The following XRCC5 variants were observed in gnomAD, a reference collection of about 807,000 sequenced individuals.
XRCC5 encodes the protein DNA repair protein Ku80.
XRCC5 carries 12 observed loss-of-function variants against 95.7 expected under a neutral mutation model. The observed-to-expected ratio is 0.13, with a 90% CI of 0.08 to 0.20. The LOEUF (loss-of-function observed/expected upper bound fraction) is 0.20. Among genes scored for constraint, XRCC5 ranks in the 10% least tolerant of loss-of-function variants. The pLI is 1.00. For missense variants in XRCC5, 595 were observed against 873.9 expected (o/e 0.68, Z 4.02); for synonymous variants, 281 against 290.3 (o/e 0.97, Z 0.33).
intron 8 of XRCC5, chr2:216,127,910 A>C (rs1369481430): frequency 3.6e-6 from 1 of 274,334 alleles, no homozygotes; most frequent in Non-Finnish European, 6.8e-6. Flanking sequence ...AAATGTCTTA[A>C]GTGATAGTAC....
At chr2:216,143,196 G>C (rs1267799182) in intron 13 of XRCC5, among the ~76,000 whole-genome samples, 2 of 152,192 alleles carry the variant, frequency 1.3e-5, no homozygotes, top group Admixed American at 6.5e-5. Context: ...TCACACTGTT[G>C]TAAAGTGGAA....
At chr2:216,128,940 CTG>C in intron 8 of XRCC5, among the ~76,000 whole-genome samples, 1 of 152,230 alleles carries the variant, frequency 6.6e-6, no homozygotes, top group South Asian at 2.1e-4. Flanking sequence ...GCTTCAGAGT[CTG>C]TGCCTGCATT....
intron 19 of XRCC5, among the ~76,000 whole-genome samples, chr2:216,203,276 C>A (rs1689876604): frequency 6.6e-6 from 1 of 152,176 alleles, no homozygotes; most frequent in Non-Finnish European, 1.5e-5. Context: ...TCTCTATTTA[C>A]TGTTTCTGGC....
At chr2:216,160,866 C>T (rs207913) in intron 15 of XRCC5, among the ~76,000 whole-genome samples, 83,355 of 151,578 alleles carry the variant, frequency 0.55, 23,238 homozygotes, top group South Asian at 0.68. Context: ...ACTAAGGGTA[C>T]ATGCCACCAT....
chr2:216,185,349 G>A (rs955800886), intron 16 of XRCC5, among the ~76,000 whole-genome samples: 1 of 152,204 alleles, frequency 6.6e-6, no homozygotes, highest in Admixed American at 6.5e-5. Context: ...ATATCCGATA[G>A]TAAAGAGGCA....
chr2:216,194,790 G>GT, intron 18 of XRCC5, 129 bp from the exon 19 acceptor site: 2 of 858,146 alleles, frequency 2.3e-6, no homozygotes, highest in Non-Finnish European at 3.8e-6. Context: ...GGGCAACATA[G>GT]TGGGACCCTG....
At chr2:216,195,347 TTTCTTTTCTTTTC>T (rs1487386136) in intron 19 of XRCC5, among the ~76,000 whole-genome samples, 1 of 60,810 alleles carries the variant, frequency 1.6e-5, no homozygotes, top group East Asian at 3.5e-4. Flanking sequence ...TTTTCTTTTT[TTTCTTTTCTTTTC>T]TTTTCTTTTC....
intron 2 of XRCC5, among the ~76,000 whole-genome samples, chr2:216,114,613 A>G (rs185920458): frequency 4.6e-5 from 7 of 152,186 alleles, no homozygotes; most frequent in African/African-American, 1.7e-4. Context: ...GGGGCCCCAA[A>G]GCTGTCAGGT....
At chr2:216,128,050 C>T (rs1221625894) in intron 8 of XRCC5, 1 of 153,490 alleles carries the variant, frequency 6.5e-6, no homozygotes, top group East Asian at 1.9e-4. Context: ...GGGCCAACTT[C>T]AGGTTTTATG....
chr2:216,158,218 T>C (rs1688883514), intron 14 of XRCC5, among the ~76,000 whole-genome samples: 1 of 152,220 alleles, frequency 6.6e-6, no homozygotes, highest in African/African-American at 2.4e-5. Context: ...TCTGTATTTG[T>C]GGAAGAGAAT....
chr2:216,109,413 C>T lies in XRCC5; in HGVS notation c.-24C>T, dbSNP rs368823967. 6 of 1,613,766 alleles carry T rather than the reference C, an allele frequency of 3.7e-6. No homozygotes were observed. The highest frequency in any genetic ancestry group is 5.1e-6 in the Non-Finnish European group (6 of 1,179,912). On this transcript the variant is annotated 5_prime_UTR_variant, in exon 1 of 21. Transcript: ENST00000392132. Reference sequence around the variant, plus strand: ...GCAGGTTCCCGCCCGGAAGAAGCGACCAAAGCGCCTGAGGACCGGCAACAT... The same window carrying T: ...GCAGGTTCCCGCCCGGAAGAAGCGATCAAAGCGCCTGAGGACCGGCAACAT...
rs369842827 is a variant in XRCC5 at position 216,197,448 on chromosome 2, GAAAAAAAAA to G, written c.2109+2474_2109+2482del. 1.6e-4 allele frequency among the ~76,000 whole-genome samples: 18 copies of G among 110,332 alleles called. No homozygotes were observed. In the East Asian group the frequency reaches 1.8e-3, roughly 11 times the overall value. The allele number at this position is 110,332 out of a possible 152,430, so 72.4% of individuals were successfully genotyped here. ...CAACGAAAGCGAAACTCTGTCCCAG[GAAAAAAAAA>G]AAAAAAAAAAAGACAACTCTCAAAA... On this transcript the variant is annotated intron_variant, in intron 19 of 20. Coordinates refer to ENST00000392132, the MANE Select transcript of XRCC5 (RefSeq NM_021141.4).
chr2:216,156,577 C>T, intron 14 of XRCC5: 1 of 588,082 alleles, frequency 1.7e-6, no homozygotes, highest in Non-Finnish European at 3.4e-6. Flanking sequence ...TCCCATGGTA[C>T]TCACGAACTT....
chr2:216,138,103 G>T lies in XRCC5; in HGVS notation c.1266G>T (p.Val422=). ...TTTCTCATTAGTGTTTAGTGTATGT[G>T]CAGCTGCCTTTCATGGAAGACTTGC... ...IKHNYECLVY[V]QLPFMEDLRQ... is the part of the protein sequence containing the mutation. Residue 422 remains valine, a synonymous_variant, in exon 12 of 21, where the codon GTG becomes GTT. Coordinates refer to ENST00000392132, the MANE Select transcript of XRCC5 (RefSeq NM_021141.4). 6.2e-7 allele frequency: 1 copy of T among 1,612,886 alleles called. No individual in the cohort carries two copies.
At chr2:216,175,987 G>A (rs777183899) in intron 16 of XRCC5, 7 of 270,702 alleles carry the variant, frequency 2.6e-5, no homozygotes, top group Admixed American at 1.4e-4. Context: ...CAATGACAAC[G>A]GCCAGAGTCA....
chr2:216,118,876 G>C (rs188574269), intron 4 of XRCC5, among the ~76,000 whole-genome samples, 167 bp from the exon 5 acceptor site: 3 of 152,134 alleles, frequency 2.0e-5, no homozygotes, highest in African/African-American at 7.2e-5. Context: ...GTGTATCAGG[G>C]TTGATTATGA....
rs189133478 is a variant in XRCC5 at position 216,146,880 on chromosome 2, G to T, written c.1477-1203G>T. On this transcript the variant is annotated intron_variant, in intron 13 of 20. Coordinates refer to ENST00000392132, the MANE Select transcript of XRCC5 (RefSeq NM_021141.4). ...TGGAAAAGAGCACTTTATTCCTTCA[G>T]CTGTTATCGGCCAGGTGCTTATTAT... is the stretch of plus-strand genomic sequence containing the variant. Among the ~76,000 whole-genome samples the T allele has an allele frequency of 2.1e-3, 321 of 152,276 alleles. 2 individuals carry two copies. Among genetic ancestry groups the T allele is most frequent in the Non-Finnish European group, 2.4e-3 (160 of 68,030 alleles).
intron 14 of XRCC5, among the ~76,000 whole-genome samples, chr2:216,151,015 T>C (rs1399046055): frequency 6.6e-6 from 1 of 152,244 alleles, no homozygotes; most frequent in Admixed American, 6.5e-5. Context: ...ATTGTATATG[T>C]GGCTCATCAT....
At chr2:216,204,297 AT>A (rs757108586) in intron 19 of XRCC5, 24 bp from the exon 20 acceptor site, 1 of 1,613,364 alleles carries the variant, frequency 6.2e-7, no homozygotes, top group African/African-American at 1.3e-5. Flanking sequence ...TCATTTTGGT[AT>A]GATAACTGAC....
Sources: gnomAD v4.1 joint callset for allele counts (sites outside exome capture counted in the v4.1 genomes callset) on GRCh38, gnomAD v4.1.1 for gene constraint, MANE v1.5 for transcripts, NCBI Gene and HGNC (gene_info 2026-07-23, HGNC 2026-07-21) for gene names.